Variants in PACC1 observed in about 807,000 individuals in gnomAD.
PACC1 encodes proton activated chloride channel 1, also known as proton-activated chloride channel.
PACC1 carries 34 observed loss-of-function variants against 39.7 expected under a neutral mutation model. The observed-to-expected ratio is 0.86, with a 90% CI of 0.65 to 1.14. PACC1 has a LOEUF of 1.14. Ranked by LOEUF, PACC1 falls within the 50% of genes most tolerant of loss-of-function variation. PACC1 has a pLI of 0.00. For missense variants in PACC1, 379 were observed against 436.4 expected (o/e 0.87, Z 1.17); for synonymous variants, 127 against 160.6 (o/e 0.79, Z 1.58).
intron 2 of PACC1, among the ~76,000 whole-genome samples, chr1:212,400,073 T>C (rs1319689515): frequency 6.6e-6 from 1 of 152,122 alleles, no homozygotes; most frequent in Non-Finnish European, 1.5e-5. Context: ...CTCAAACTCC[T>C]GACCTCAGGT....
chr1:212,413,053 C>T (rs933004569), intron 1 of PACC1, among the ~76,000 whole-genome samples: 1 of 152,218 alleles, frequency 6.6e-6, no homozygotes, highest in African/African-American at 2.4e-5. Flanking sequence ...CTGTGCTCCA[C>T]ACCCTATAAA....
rs1259010689 is a variant in PACC1, at chr1:212,364,382, T to A, written c.*833A>T. The A allele has an allele frequency of 6.6e-6, 1 of 152,034 alleles. No homozygotes were observed. The highest frequency in any genetic ancestry group is 2.4e-5 in the African/African-American group (1 of 41,380). The allele number at this position is 152,034 out of a possible 1,614,324, so 9.4% of individuals were successfully genotyped here. ...TTGGGAGTCAGATCCATCTTGGGAG[T>A]CCAGACTCATACTACCTTTTTGTCC... On this transcript the variant is annotated 3_prime_UTR_variant, in exon 8 of 8. Transcript: ENST00000261455.
chr1:212,381,608 C>G (rs911399397), intron 4 of PACC1, among the ~76,000 whole-genome samples: 11 of 151,872 alleles, frequency 7.2e-5, no homozygotes, highest in Non-Finnish European at 1.5e-4. Context: ...GGGACTCATT[C>G]AACTCCACCC....
chr1:212,374,048 AG>A (rs1355082691), intron 7 of PACC1, among the ~76,000 whole-genome samples: 169 of 148,100 alleles, frequency 1.1e-3, no homozygotes, highest in African/African-American at 4.0e-3. Context: ...AAAAAAGAAA[AG>A]AAAAAAAAAA....
At chr1:212,410,607 T>C (rs1279076357) in intron 1 of PACC1, 86 bp from the exon 2 acceptor site, 8 of 1,237,002 alleles carry the variant, frequency 6.5e-6, no homozygotes, top group Non-Finnish European at 9.5e-6. Context: ...AGAAGCTGCT[T>C]GTCACTTAAT....
intron 2 of PACC1, among the ~76,000 whole-genome samples, chr1:212,404,089 T>C (rs1028371867): frequency 2.6e-5 from 4 of 152,002 alleles, no homozygotes; most frequent in Non-Finnish European, 4.4e-5. Flanking sequence ...TACTGTCCTG[T>C]TCCAATCCTT....
intron 2 of PACC1, among the ~76,000 whole-genome samples, chr1:212,395,190 T>A (rs2102517728): frequency 6.6e-6 from 1 of 152,242 alleles, no homozygotes; most frequent in South Asian, 2.1e-4. Context: ...CAAACTATAC[T>A]ACAAAGCAAC....
chr1:212,376,662 G>T (rs1213739588), intron 6 of PACC1: 1 of 152,204 alleles, frequency 6.6e-6, no homozygotes, highest in East Asian at 1.9e-4. Context: ...ACCAGGAGGG[G>T]TTGTCACTTC....
At position 212,386,971 on chromosome 1, in the gene PACC1, G is replaced by T. The variant is rs537051728; in HGVS notation, c.263C>A (p.Thr88Asn). The T allele has an allele frequency of 6.2e-7, 1 of 1,614,176 alleles. No homozygotes were observed. Among genetic ancestry groups the T allele is most frequent in the Admixed American group, 1.7e-5 (1 of 60,020 alleles). The stretch of plus-strand genomic sequence containing the variant: ...GAGTTTCTCACGAAAGTCTGTGATG[G>T]TCCGGTAGACCAGGAAGACGGCCAC... ...MAVAVFLVYRTITDFREKLKH... is the reference protein window; with the variant it reads ...MAVAVFLVYRNITDFREKLKH... The change falls in exon 3 of 8, where the codon ACC becomes AAC. Residue 88 changes from threonine to asparagine, a missense_variant. Transcript: ENST00000261455. This position sits in a 1 kb window ranked among gnomAD's most constrained non-coding sequence, Gnocchi z 5.0.
chr1:212,365,202 A>G lies in PACC1; in HGVS notation c.*13T>C. 6.2e-7 allele frequency: 1 copy of G among 1,611,552 alleles called. No homozygotes were observed. Among genetic ancestry groups the G allele is most frequent in the Non-Finnish European group, 8.5e-7 (1 of 1,178,810 alleles). On this transcript the variant is annotated 3_prime_UTR_variant, in exon 8 of 8. Coordinates refer to ENST00000261455, the MANE Select transcript of PACC1 (RefSeq NM_018252.3). The stretch of plus-strand genomic sequence containing the variant: ...ATTGATGTGGACAGTTCTCTAAACA[A>G]CGCGAGGTGACTTCAGCTTATGTGG...
chr1:212,404,704 T>C (rs1661842646), intron 2 of PACC1, among the ~76,000 whole-genome samples: 1 of 131,602 alleles, frequency 7.6e-6, no homozygotes, highest in South Asian at 2.5e-4. Context: ...CCTTCCTTCC[T>C]TTTTTTTTTT....
Position 212,364,102 on chromosome 1 carries a change from T to A in PACC1, c.*1113A>T, listed in dbSNP as rs1287037039. 6.6e-6 allele frequency: 1 copy of A among 152,214 alleles called. No homozygotes were observed. 9.4% of individuals were successfully genotyped at this position (152,214 alleles called of 1,614,324 possible). A position where few individuals can be genotyped will look rare whatever the true frequency, so the allele number is the denominator to read the frequency against. Reference sequence around the variant, plus strand: ...AACAGGCACATAAATAATTTAAAACTCTGGAAACAATTTTTAGAACCTTAA... The same window carrying A: ...AACAGGCACATAAATAATTTAAAACACTGGAAACAATTTTTAGAACCTTAA... On this transcript the variant is annotated 3_prime_UTR_variant, in exon 8 of 8. Transcript: ENST00000261455.
chr1:212,412,608 C>T (rs1455533581), intron 1 of PACC1, among the ~76,000 whole-genome samples: 1 of 152,206 alleles, frequency 6.6e-6, no homozygotes, highest in African/African-American at 2.4e-5. Flanking sequence ...GGGAGGGCAC[C>T]CTTCCAGTGC....
At chr1:212,375,352 T>G in intron 6 of PACC1, 52 bp from the exon 7 acceptor site, 1 of 1,305,422 alleles carries the variant, frequency 7.7e-7, no homozygotes. Flanking sequence ...GCCCTTCCCT[T>G]GCCTGTGCCC....
chr1:212,405,366 A>G (rs6540739), intron 2 of PACC1, among the ~76,000 whole-genome samples: 79,202 of 152,054 alleles, frequency 0.52, 22,040 homozygotes, highest in African/African-American at 0.72. Flanking sequence ...GTGCCAAGGG[A>G]TGGATAACAA....
At chr1:212,397,275 C>T (rs901055300) in intron 2 of PACC1, among the ~76,000 whole-genome samples, 25 of 152,004 alleles carry the variant, frequency 1.6e-4, no homozygotes, top group Non-Finnish European at 1.5e-4. Context: ...AACAAAAAAA[C>T]CCAGCAAGAC....
chr1:212,368,888 C>T (rs1459012731), intron 7 of PACC1, among the ~76,000 whole-genome samples: 3 of 151,842 alleles, frequency 2.0e-5, no homozygotes, highest in African/African-American at 4.8e-5. Flanking sequence ...AAAAATTAGC[C>T]GGGCGTGGTG....
chr1:212,405,175 G>A (rs1021954673), intron 2 of PACC1, among the ~76,000 whole-genome samples: 2 of 152,100 alleles, frequency 1.3e-5, no homozygotes, highest in South Asian at 4.1e-4. Context: ...GCTCCTAGAT[G>A]AGAGGCTCTC....
rs1327381845 is a variant in PACC1, at chr1:212,386,279, GC to G, written c.343+611del. On this transcript the variant is annotated intron_variant, in intron 3 of 7. Transcript: ENST00000261455. The surrounding 1 kb of genome is among the most constrained non-coding windows in gnomAD (Gnocchi z 5.0). Reference sequence around the variant, plus strand: ...CTCATGCCTCCTCATTTACTCTACAGCCCCTAGAACATCCAGTGCCAGCCCT... The same window carrying G: ...CTCATGCCTCCTCATTTACTCTACAGCCCTAGAACATCCAGTGCCAGCCCT... Among the ~76,000 whole-genome samples, 2 of 152,248 alleles carry G rather than the reference GC, an allele frequency of 1.3e-5. No individual in the cohort carries two copies. Among genetic ancestry groups the G allele is most frequent in the East Asian group, 3.9e-4 (2 of 5,176 alleles).
Sources: allele counts gnomAD v4.1 joint callset (sites outside exome capture counted in the v4.1 genomes callset), GRCh38; gene constraint gnomAD v4.1.1; non-coding constraint Gnocchi (gnomAD v3.1); transcripts MANE v1.5; gene names NCBI Gene and HGNC (gene_info 2026-07-23, HGNC 2026-07-21).